The following FNDC1 variants were observed in gnomAD, a reference collection of about 807,000 sequenced individuals.
FNDC1 encodes fibronectin type III domain containing 1, also known as fibronectin type III domain-containing protein 1.
Under a neutral mutation model 168.0 loss-of-function variants are expected in FNDC1, and 96 were observed. The ratio of observed to expected loss-of-function variants is 0.57; its 90% confidence interval spans 0.48 to 0.68. The LOEUF is 0.68. Ranked by LOEUF, FNDC1 falls within the 30% of genes least tolerant of loss-of-function variation. FNDC1 has a pLI of 0.00. For missense variants in FNDC1, 2,587 were observed against 2,482.1 expected (o/e 1.04, Z -0.90); for synonymous variants, 1,099 against 1,025.9 (o/e 1.07, Z -1.36).
intron 4 of FNDC1, among the ~76,000 whole-genome samples, chr6:159,211,052 T>G (rs889528900): frequency 6.6e-6 from 1 of 152,136 alleles, no homozygotes; most frequent in African/African-American, 2.4e-5. Context: ...GGACACCCCC[T>G]GACCCCCACC....
chr6:159,247,820 T>C (rs1251914542), intron 15 of FNDC1, among the ~76,000 whole-genome samples: 5 of 152,182 alleles, frequency 3.3e-5, no homozygotes, highest in African/African-American at 1.2e-4. Context: ...CAATAAGTGG[T>C]AACTAGTGGT....
At position 159,225,622 on chromosome 6, in the gene FNDC1, C is replaced by A; in HGVS notation, c.972C>A (p.Asn324Lys). ...CTAACAGGCGTGTGCTGATTGAGAA[C>A]CTGATTCCAGACACTGTGTATGAAT... The part of the protein sequence containing the change: ...QIANRRVLIE[N>K]LIPDTVYEFA... Residue 324 changes from asparagine (N) to lysine (K), a missense_variant, in exon 8 of 23, where the codon AAC becomes AAA. Transcript: ENST00000297267. 2 of 1,613,920 alleles carry A rather than the reference C, an allele frequency of 1.2e-6. No individual in the cohort carries two copies. Among genetic ancestry groups the A allele is most frequent in the Non-Finnish European group, 1.7e-6 (2 of 1,179,882 alleles).
chr6:159,259,519 C>T (rs2115024635), intron 18 of FNDC1, among the ~76,000 whole-genome samples: 2 of 152,288 alleles, frequency 1.3e-5, no homozygotes, highest in South Asian at 4.1e-4. Context: ...CACTTCCCTC[C>T]TTGACGTTGA....
chr6:159,188,636 C>T (rs1303018484), intron 1 of FNDC1, among the ~76,000 whole-genome samples: 1 of 152,004 alleles, frequency 6.6e-6, no homozygotes, highest in East Asian at 1.9e-4. Flanking sequence ...CCTCGGCCTC[C>T]CAAAGTGCTG....
rs78349777 is a variant in FNDC1 at position 159,180,425 on chromosome 6, C to T, written c.109+10720C>T. Reference sequence around the variant, plus strand: ...GGAAGGGATACAATTTAACTCATAACGTGTGGTGTGCTTACCAACATGATT... The same window carrying T: ...GGAAGGGATACAATTTAACTCATAATGTGTGGTGTGCTTACCAACATGATT... On this transcript the variant is annotated intron_variant, in intron 1 of 22. Coordinates refer to ENST00000297267, the MANE Select transcript of FNDC1 (RefSeq NM_032532.3). 6.8e-4 allele frequency among the ~76,000 whole-genome samples: 103 copies of T among 152,192 alleles called. 2 individuals carry two copies. The South Asian group carries it at 0.014, about 21-fold the overall frequency.
In FNDC1 at chr6:159,200,046, G is replaced by A. The variant is rs757139104; in HGVS notation, c.355G>A (p.Val119Met). The A allele has an allele frequency of 6.2e-7, 1 of 1,605,224 alleles. No individual in the cohort carries two copies. Among genetic ancestry groups the A allele is most frequent in the South Asian group, 1.1e-5 (1 of 88,760 alleles). The change falls in exon 3 of 23, where the codon GTG (valine) becomes ATG (methionine). Residue 119 changes from valine (V) to methionine (M), a missense_variant. Physicochemically the swap from Val to Met is conservative, Grantham distance 21. Coordinates refer to ENST00000297267, the MANE Select transcript of FNDC1 (RefSeq NM_032532.3). ...GCTTACTGCAGAAAACCACAGTGGA[G>A]TGAGCCGTCCTGTTTACAGAGCTGA... ...VLLTAENHSG[V>M]SRPVYRAESP...
intron 18 of FNDC1, among the ~76,000 whole-genome samples, chr6:159,257,639 T>C (rs2115022389): frequency 6.6e-6 from 1 of 152,266 alleles, no homozygotes; most frequent in African/African-American, 2.4e-5. Context: ...GTGTAGAATC[T>C]GGACACTAGC....
In FNDC1 at chr6:159,234,231, T is replaced by G; in HGVS notation, c.3719T>G (p.Val1240Gly). ...CCTCGCGGAGGGAGCCTGGCTCCTG[T>G]GAAGCGACCTCTCCCCCCACCTCCA... is the stretch of plus-strand genomic sequence containing the variant. ...LAPRGGSLAP[V>G]KRPLPPPPGS... The change falls in exon 11 of 23, where the codon GTG becomes GGG. Residue 1240 changes from valine (V) to glycine (G), a missense_variant. Val to Gly is a moderately radical substitution (Grantham distance 109, BLOSUM62 -3). Coordinates refer to ENST00000297267, the MANE Select transcript of FNDC1 (RefSeq NM_032532.3). 1 of 1,592,512 alleles carries G rather than the reference T, an allele frequency of 6.3e-7. No homozygotes were observed. The highest frequency in any genetic ancestry group is 1.8e-5 in the Admixed American group (1 of 57,106).
chr6:159,257,434 C>T (rs745797750), intron 18 of FNDC1, among the ~76,000 whole-genome samples: 2 of 152,220 alleles, frequency 1.3e-5, no homozygotes, highest in African/African-American at 2.4e-5. Context: ...TTCCTGAATA[C>T]TTAATGACTG....
chr6:159,209,975 T>C lies in FNDC1; in HGVS notation c.461-4970T>C, dbSNP rs371894534. 7.2e-5 allele frequency among the ~76,000 whole-genome samples: 11 copies of C among 152,300 alleles called. 1 individual carries two copies. The East Asian group carries it at 2.1e-3, about 29-fold the overall frequency. ...TGCTTGACTCCTCATCAGGGGTCTT[T>C]CCCAGAGCACTAGACACTTACACAT... On this transcript the variant is annotated intron_variant, in intron 4 of 22. Coordinates refer to ENST00000297267, the MANE Select transcript of FNDC1 (RefSeq NM_032532.3).
Position 159,232,630 on chromosome 6 carries a change from A to T in FNDC1, c.2118A>T (p.Ala706=), listed in dbSNP as rs1444334057. 1.2e-6 allele frequency: 2 copies of T among 1,611,618 alleles called. No individual in the cohort carries two copies. Among genetic ancestry groups the T allele is most frequent in the Non-Finnish European group, 1.7e-6 (2 of 1,178,452 alleles). The change falls in exon 11 of 23, where the codon GCA becomes GCT. Residue 706 remains alanine, a synonymous_variant. Transcript: ENST00000297267. The surrounding 1 kb of genome is among the most constrained non-coding windows in gnomAD (Gnocchi z 4.9). ...PARRTPHSGA[A]EEDSSASAPP... ...GGAGGACCCCCCATTCAGGGGCCGC[A>T]GAGGAAGATTCCAGTGCCTCAGCCC... is the stretch of plus-strand genomic sequence containing the variant.
Position 159,269,366 on chromosome 6 carries a change from C to T in FNDC1, c.5569+1440C>T, listed in dbSNP as rs6920661. ...CTATCCATTTGTTTATCTAGGTATC[C>T]ATCCATCTGCCCATCCATATATCTA... is the stretch of plus-strand genomic sequence containing the variant. On this transcript the variant is annotated intron_variant, in intron 22 of 22. Transcript: ENST00000297267. 5.0e-3 allele frequency among the ~76,000 whole-genome samples: 240 copies of T among 47,528 alleles called. 7 individuals carry two copies. The highest frequency in any genetic ancestry group is 0.025 in the Middle Eastern group (1 of 40). 31.2% of individuals were successfully genotyped at this position (47,528 alleles called of 152,430 possible).
At chr6:159,214,375 C>T (rs1333724106) in intron 4 of FNDC1, among the ~76,000 whole-genome samples, 1 of 152,176 alleles carries the variant, frequency 6.6e-6, no homozygotes, top group African/African-American at 2.4e-5. Flanking sequence ...AAAAAAACAA[C>T]AGACACAGAG....
intron 16 of FNDC1, among the ~76,000 whole-genome samples, chr6:159,249,946 G>A (rs294904): frequency 0.63 from 96,193 of 152,088 alleles, 31,950 homozygotes; most frequent in Middle Eastern, 0.74. Context: ...TAAACCACAC[G>A]TACTTGAAGA....
At chr6:159,241,232 T>C (rs755809110) in intron 14 of FNDC1, 5 of 152,240 alleles carry the variant, frequency 3.3e-5, no homozygotes, top group Non-Finnish European at 5.9e-5. Context: ...ATGTGTTTAA[T>C]TTTAAAGACT....
rs1782318110 is a variant in FNDC1 at position 159,199,127 on chromosome 6, CCA to C, written c.305-866_305-865del. Among the ~76,000 whole-genome samples the C allele has an allele frequency of 2.6e-5, 4 of 152,348 alleles. No homozygotes were observed. In the South Asian group the frequency reaches 8.3e-4, roughly 32 times the overall value. On this transcript the variant is annotated intron_variant, in intron 2 of 22. Transcript: ENST00000297267. Reference sequence around the variant, plus strand: ...CTCCAGCTCTCGTCCCCTGAAATACCCACAGACTTTCGTCTCTTCAAGAAATT... The same window carrying C: ...CTCCAGCTCTCGTCCCCTGAAATACCCAGACTTTCGTCTCTTCAAGAAATT...
intron 1 of FNDC1, among the ~76,000 whole-genome samples, chr6:159,191,022 CT>C (rs1256861655): frequency 2.0e-5 from 3 of 152,184 alleles, no homozygotes; most frequent in East Asian, 3.8e-4. Context: ...CCTCAGGAAA[CT>C]TACAAGCTTG....
intron 19 of FNDC1, among the ~76,000 whole-genome samples, chr6:159,263,537 C>T (rs538779825): frequency 6.6e-6 from 1 of 152,078 alleles, no homozygotes; most frequent in Non-Finnish European, 1.5e-5. Context: ...CCGAGTCAGG[C>T]GGATCACGAG....
intron 4 of FNDC1, among the ~76,000 whole-genome samples, chr6:159,210,579 T>C (rs572486109): frequency 6.6e-6 from 1 of 152,248 alleles, no homozygotes; most frequent in South Asian, 2.1e-4. Flanking sequence ...TTGCAAATAT[T>C]GGGTATGTAG....
Sources: allele counts gnomAD v4.1 joint callset (sites outside exome capture counted in the v4.1 genomes callset), GRCh38; gene constraint gnomAD v4.1.1; non-coding constraint Gnocchi (gnomAD v3.1); transcripts MANE v1.5; gene names NCBI Gene and HGNC (gene_info 2026-07-23, HGNC 2026-07-21).